FMN1: variants seen among roughly 807,000 people sequenced by gnomAD.
FMN1 encodes the protein formin-1.
FMN1 carries 110 observed loss-of-function variants against 132.4 expected under a neutral mutation model. The observed-to-expected ratio is 0.83, with a 90% confidence interval of 0.71 to 0.97. FMN1 has a LOEUF of 0.97. Ranked by LOEUF, FMN1 falls within the 50% of genes least tolerant of loss-of-function variation. FMN1 has a pLI of 0.00. For synonymous variants in FMN1, 722 were observed against 651.7 expected (o/e 1.11, Z -1.64); for missense variants, 1,792 against 1,705.3 (o/e 1.05, Z -0.90).
At chr15:32,992,404 C>G (rs1299264103) in intron 7 of FMN1, among the ~76,000 whole-genome samples, 3 of 152,054 alleles carry the variant, frequency 2.0e-5, no homozygotes, top group Non-Finnish European at 4.4e-5. Context: ...TGGTTGAGAA[C>G]AATAGTATAA....
chr15:33,124,603 T>C (rs1479767007), intron 4 of FMN1, among the ~76,000 whole-genome samples: 1 of 152,116 alleles, frequency 6.6e-6, no homozygotes, highest in Non-Finnish European at 1.5e-5. Flanking sequence ...CATATACAAA[T>C]ATTGCATTAA....
At chr15:33,164,928 A>G (rs547078340) in intron 3 of FMN1, among the ~76,000 whole-genome samples, 1 of 152,364 alleles carries the variant, frequency 6.6e-6, no homozygotes, top group South Asian at 2.1e-4. Context: ...ATTTCTTTGC[A>G]TTACAAACAT....
At chr15:32,784,336 G>A (rs544214047) in intron 19 of FMN1, among the ~76,000 whole-genome samples, 9 of 151,818 alleles carry the variant, frequency 5.9e-5, no homozygotes, top group African/African-American at 2.2e-4. Flanking sequence ...TTTATACATT[G>A]ATGATTTATG....
intron 4 of FMN1, among the ~76,000 whole-genome samples, chr15:33,097,167 T>G (rs2039116954): frequency 6.6e-6 from 1 of 151,906 alleles, no homozygotes; most frequent in African/African-American, 2.4e-5. Flanking sequence ...CCTGGTGGCC[T>G]GCGCCTGTGG....
At chr15:33,095,701 C>CA (rs887642499) in intron 4 of FMN1, among the ~76,000 whole-genome samples, 30 of 150,936 alleles carry the variant, frequency 2.0e-4, no homozygotes, top group African/African-American at 6.1e-4. Flanking sequence ...AATAAGAATG[C>CA]AAAAAAAAGT....
chr15:33,118,801 A>G (rs1168330503), intron 4 of FMN1, among the ~76,000 whole-genome samples: 1 of 152,144 alleles, frequency 6.6e-6, no homozygotes, highest in Non-Finnish European at 1.5e-5. Flanking sequence ...ACCTATCTTT[A>G]AAGAATGGTA....
intron 5 of FMN1, chr15:33,068,117 C>G: frequency 9.4e-6 from 10 of 1,068,430 alleles, no homozygotes; most frequent in Non-Finnish European, 1.2e-5. Flanking sequence ...GAGTCTATGC[C>G]CAGAAGCAGC....
chr15:33,179,332 T>C (rs2140337430), intron 3 of FMN1, among the ~76,000 whole-genome samples: 1 of 152,330 alleles, frequency 6.6e-6, no homozygotes, highest in Admixed American at 6.5e-5. Flanking sequence ...CTATGAAATG[T>C]TGATCCATCC....
chr15:33,037,061 T>C (rs1280291169), intron 6 of FMN1, among the ~76,000 whole-genome samples: 1 of 152,264 alleles, frequency 6.6e-6, no homozygotes, highest in Non-Finnish European at 1.5e-5. Context: ...TCACATCTGA[T>C]TTCAAAATTG....
chr15:32,806,006 A>G (rs770401252), intron 17 of FMN1, among the ~76,000 whole-genome samples: 18 of 152,200 alleles, frequency 1.2e-4, no homozygotes, highest in Non-Finnish European at 1.5e-4. Flanking sequence ...CCTTCTCTAC[A>G]ATCAGAAGAT....
chr15:32,914,734 A>C (rs1266714066), intron 10 of FMN1, among the ~76,000 whole-genome samples: 1 of 152,242 alleles, frequency 6.6e-6, no homozygotes, highest in Non-Finnish European at 1.5e-5. Flanking sequence ...ACAGAGCACT[A>C]TTATAGTGAC....
At position 32,969,274 on chromosome 15, in the gene FMN1, T is replaced by TC; in HGVS notation, c.2426dup (p.Glu810ArgfsTer8). On this transcript the variant is annotated frameshift_variant, in exon 8 of 21. Transcript: ENST00000616417. LOFTEE classifies it high-confidence loss of function. ...TTTCACAGGGCTTGAGGAAGGTCTCTCTGTCTGTCTGGACGCACACATTTC... is the reference window on the plus strand; with the variant it reads ...TTTCACAGGGCTTGAGGAAGGTCTCTCCTGTCTGTCTGGACGCACACATTTC... The TC allele has an allele frequency of 6.2e-7, 1 of 1,613,832 alleles. No homozygotes were observed. Among genetic ancestry groups the TC allele is most frequent in the South Asian group, 1.1e-5 (1 of 91,072 alleles).
chr15:33,140,351 C>T (rs868573547), intron 4 of FMN1, among the ~76,000 whole-genome samples: 51 of 119,210 alleles, frequency 4.3e-4, no homozygotes, highest in African/African-American at 1.3e-3. Flanking sequence ...TACCCTTGAA[C>T]TAATTTTAGT....
chr15:32,928,903 G>T (rs992158360), intron 9 of FMN1, among the ~76,000 whole-genome samples: 1 of 152,190 alleles, frequency 6.6e-6, no homozygotes, highest in Non-Finnish European at 1.5e-5. Context: ...GAAAGCAGGA[G>T]AGAAATCACG....
intron 5 of FMN1, among the ~76,000 whole-genome samples, chr15:33,078,037 G>A (rs1368581116): frequency 6.6e-6 from 1 of 152,158 alleles, no homozygotes; most frequent in Non-Finnish European, 1.5e-5. Flanking sequence ...TTCTTAAACA[G>A]AGAGCAGAGA....
At chr15:32,837,230 C>A in intron 17 of FMN1, 1 of 231,424 alleles carries the variant, frequency 4.3e-6, no homozygotes. Context: ...CGTTCTGTTA[C>A]TACCAAGATT....
chr15:33,141,959 T>C (rs1964027814), intron 4 of FMN1, among the ~76,000 whole-genome samples: 1 of 152,132 alleles, frequency 6.6e-6, no homozygotes, highest in African/African-American at 2.4e-5. Context: ...GCATACACTA[T>C]ACCAACTTGC....
intron 9 of FMN1, among the ~76,000 whole-genome samples, chr15:32,939,082 G>A (rs72719337): frequency 0.019 from 2,857 of 152,300 alleles, 91 homozygotes; most frequent in East Asian, 0.12. Flanking sequence ...CAATCCAAAT[G>A]GACAGTTGTG....
intron 15 of FMN1, among the ~76,000 whole-genome samples, chr15:32,891,415 T>C (rs1219868627): frequency 6.6e-6 from 1 of 152,202 alleles, no homozygotes; most frequent in Non-Finnish European, 1.5e-5. Flanking sequence ...GCCCAGCTAA[T>C]TTATTTTTAG....
Sources: allele counts gnomAD v4.1 joint callset (sites outside exome capture counted in the v4.1 genomes callset), GRCh38; gene constraint gnomAD v4.1.1; transcripts MANE v1.5; gene names NCBI Gene and HGNC (gene_info 2026-07-23, HGNC 2026-07-21).